MAF: variants seen among roughly 807,000 people sequenced by gnomAD.
The protein encoded by MAF is MAF bZIP transcription factor.
MAF carries 10 observed loss-of-function variants against 22.0 expected under a neutral mutation model. The ratio of observed to expected loss-of-function variants is 0.45; its 90% CI spans 0.28 to 0.77. The LOEUF (loss-of-function observed/expected upper bound fraction) is 0.77, where lower values mean the gene tolerates loss of function less well. Among genes scored for constraint, MAF ranks in the 30% least tolerant of loss-of-function variants. The probability of loss-of-function intolerance (pLI) is 0.12; values close to 1 mark genes in which losing one functional copy is unlikely to be tolerated. For synonymous variants in MAF, 337 were observed against 255.8 expected, an observed-to-expected ratio of 1.32 and a Z score of -3.03; for missense variants, 544 against 548.4, an observed-to-expected ratio of 0.99 and a Z score of 0.08.
chr16:79,379,501 GCACACACACA>G, the MAF span, among the ~76,000 whole-genome samples: 6,629 of 149,736 alleles, frequency 0.044, 471 homozygotes, highest in African/African-American at 0.15. Context: ...TGGTGGAAGT[GCACACACACA>G]CACACACACA....
the MAF span, among the ~76,000 whole-genome samples, chr16:79,258,677 C>T: frequency 2.6e-5 from 4 of 152,312 alleles, no homozygotes; most frequent in Non-Finnish European, 5.9e-5. Flanking sequence ...ATTTAGGGAT[C>T]AGGCTCAGCA....
chr16:79,367,944 G>C, the MAF span, among the ~76,000 whole-genome samples: 1 of 152,178 alleles, frequency 6.6e-6, no homozygotes, highest in African/African-American at 2.4e-5. Flanking sequence ...GAAAATAAAT[G>C]GCCAGACACT....
the MAF span, among the ~76,000 whole-genome samples, chr16:79,399,143 T>G: frequency 6.6e-6 from 1 of 152,192 alleles, no homozygotes; most frequent in African/African-American, 2.4e-5. Context: ...AGACCTGCCA[T>G]TGAATTCCTA....
At chr16:79,268,954 G>A in the MAF span, among the ~76,000 whole-genome samples, 1 of 152,220 alleles carries the variant, frequency 6.6e-6, no homozygotes, top group Non-Finnish European at 1.5e-5. Flanking sequence ...GGATCTCTTA[G>A]GAGTGTGAGA....
At chr16:79,207,224 C>T in the MAF span, among the ~76,000 whole-genome samples, 2 of 152,230 alleles carry the variant, frequency 1.3e-5, no homozygotes, top group Admixed American at 6.5e-5. Flanking sequence ...GGTGTATTCA[C>T]AGAGTCAATG....
chr16:79,337,300 G>A, the MAF span, among the ~76,000 whole-genome samples: 2 of 152,138 alleles, frequency 1.3e-5, no homozygotes. Context: ...AGTCAGGCAT[G>A]GTGGCTCACA....
the MAF span, among the ~76,000 whole-genome samples, chr16:79,352,037 A>G: frequency 1.3e-5 from 2 of 152,046 alleles, no homozygotes; most frequent in Non-Finnish European, 2.9e-5. Context: ...TTGCCTCTGG[A>G]TCTGGGCTGC....
the MAF span, among the ~76,000 whole-genome samples, chr16:79,233,855 G>T: frequency 1.3e-5 from 2 of 151,838 alleles, no homozygotes; most frequent in African/African-American, 4.8e-5. Context: ...AGCCGGGTGT[G>T]GTGGTGGGCA....
the MAF span, among the ~76,000 whole-genome samples, chr16:79,350,866 AGTGTGTGTGTGTGTGTGT>A: frequency 2.7e-5 from 4 of 148,512 alleles, 1 homozygote; most frequent in African/African-American, 1.0e-4. Context: ...AACAGTGAGA[AGTGTGTGTGTGTGTGTGT>A]GTGTGTGTGT....
At chr16:79,533,318 G>A in the MAF span, among the ~76,000 whole-genome samples, 2 of 152,134 alleles carry the variant, frequency 1.3e-5, no homozygotes, top group Admixed American at 6.5e-5. Flanking sequence ...GGGTCAGTCA[G>A]AAGAGGTTTC....
chr16:79,364,160 A>G, the MAF span, among the ~76,000 whole-genome samples: 4 of 152,150 alleles, frequency 2.6e-5, no homozygotes, highest in Non-Finnish European at 2.9e-5. Flanking sequence ...GAGCTTATAC[A>G]TCCTGTAGGA....
the MAF span, among the ~76,000 whole-genome samples, chr16:79,528,673 A>T: frequency 1.3e-5 from 2 of 151,490 alleles, no homozygotes; most frequent in Non-Finnish European, 2.9e-5. Flanking sequence ...AAAAAAAAAG[A>T]AAGGCAAGAG....
At chr16:79,244,895 G>A in the MAF span, among the ~76,000 whole-genome samples, 14 of 151,960 alleles carry the variant, frequency 9.2e-5, 1 homozygote, top group African/African-American at 2.9e-4. Flanking sequence ...TGGAACAGAG[G>A]CCTCAGAAAT....
chr16:79,537,079 A>G, the MAF span, among the ~76,000 whole-genome samples: 639 of 152,318 alleles, frequency 4.2e-3, 5 homozygotes, highest in African/African-American at 0.014. Context: ...AGAAGCTCAC[A>G]ATGTCTGCAC....
chr16:79,428,959 G>A, the MAF span, among the ~76,000 whole-genome samples: 1 of 152,058 alleles, frequency 6.6e-6, no homozygotes. Flanking sequence ...GATGGACAGG[G>A]CAACGGAGGC....
At chr16:79,369,051 G>C in the MAF span, among the ~76,000 whole-genome samples, 2 of 152,208 alleles carry the variant, frequency 1.3e-5, no homozygotes. Context: ...TCTTAGAACA[G>C]TGTTGGACAC....
chr16:79,356,564 C>G, the MAF span, among the ~76,000 whole-genome samples: 1 of 152,120 alleles, frequency 6.6e-6, no homozygotes, highest in Admixed American at 6.5e-5. Flanking sequence ...AGATTCACAC[C>G]CCTAGGTCTC....
the MAF span, among the ~76,000 whole-genome samples, chr16:79,315,842 T>C: frequency 6.6e-6 from 1 of 152,184 alleles, no homozygotes; most frequent in South Asian, 2.1e-4. Flanking sequence ...AGGGAGACCT[T>C]CAAAAATTAA....
the MAF span, among the ~76,000 whole-genome samples, chr16:79,364,994 G>C: frequency 6.6e-6 from 1 of 152,330 alleles, no homozygotes; most frequent in Middle Eastern, 3.4e-3. Flanking sequence ...AGTGTTTGTA[G>C]AGGCAAGACA....
Sources: allele counts gnomAD v4.1 joint callset (sites outside exome capture counted in the v4.1 genomes callset), GRCh38; gene constraint gnomAD v4.1.1; transcripts MANE v1.5; gene names NCBI Gene and HGNC (gene_info 2026-07-23, HGNC 2026-07-21).